The following PLXNB1 variants were observed in gnomAD, a reference collection of about 807,000 sequenced individuals.
The protein encoded by PLXNB1 is plexin B1, also known as plexin-B1.
PLXNB1 carries 106 observed loss-of-function variants against 209.4 expected under a neutral mutation model. The ratio of observed to expected loss-of-function variants is 0.51; its 90% CI spans 0.43 to 0.59. The LOEUF (loss-of-function observed/expected upper bound fraction) is 0.59. PLXNB1 is among the 20% of genes least tolerant of loss of function. The pLI, the probability that PLXNB1 is intolerant of heterozygous loss-of-function variation, is 0.00. For missense variants in PLXNB1, 2,357 were observed against 2,853.2 expected (o/e 0.83, Z 3.96); for synonymous variants, 1,167 against 1,183.2 (o/e 0.99, Z 0.28).
At chr3:48,428,368 C>T (rs2039002136) in intron 1 of PLXNB1, among the ~76,000 whole-genome samples, 1 of 152,208 alleles carries the variant, frequency 6.6e-6, no homozygotes, top group Non-Finnish European at 1.5e-5. Context: ...AAGCCTAACT[C>T]TGCCTGTGCC....
Position 48,405,657 on chromosome 3 carries a change from C to T in PLXNB1, c.6303+67G>A. On this transcript the variant is annotated intron_variant, in intron 37 of 37. Transcript: ENST00000296440. This position sits in a 1 kb window ranked among gnomAD's most constrained non-coding sequence, Gnocchi z 5.0. ...AAGCCCCCAACGTGAGTCACAGGGT[C>T]AGAGCCCCTTAAGTCTCCTGGGAGG... is the stretch of plus-strand genomic sequence containing the variant. 7.8e-7 allele frequency: 1 copy of T among 1,274,110 alleles called. No individual in the cohort carries two copies. Among genetic ancestry groups the T allele is most frequent in the Non-Finnish European group, 1.1e-6 (1 of 884,448 alleles). 78.9% of individuals were successfully genotyped at this position (1,274,110 alleles called of 1,614,324 possible).
chr3:48,412,016 G>A lies in PLXNB1; in HGVS notation c.5101-7C>T. On this transcript the variant is annotated splice_polypyrimidine_tract_variant and splice_region_variant and intron_variant, in intron 27 of 37. Coordinates refer to ENST00000296440, the MANE Select transcript of PLXNB1 (RefSeq NM_001130082.3). ...GAGGCTCCCCTACGGAGTCCTAGGA[G>A]AGCACAGGCAGTTAGGGCCCCCCAG... is the stretch of plus-strand genomic sequence containing the variant. 6.2e-7 allele frequency: 1 copy of A among 1,613,778 alleles called. No homozygotes were observed. The highest frequency in any genetic ancestry group is 1.3e-5 in the African/African-American group (1 of 75,044).
In PLXNB1 at chr3:48,405,081, G is replaced by T. The variant is rs186635826; in HGVS notation, c.6304-491C>A. 1.2e-3 allele frequency among the ~76,000 whole-genome samples: 190 copies of T among 152,270 alleles called. No individual in the cohort carries two copies. The highest frequency in any genetic ancestry group is 3.3e-3 in the Admixed American group (51 of 15,300). The stretch of plus-strand genomic sequence containing the variant: ...ACTGCCCACTATGTCTCCACAAGGG[G>T]ACATGCCTGCATCACACCCTGCCTC... On this transcript the variant is annotated intron_variant, in intron 37 of 37. Transcript: ENST00000296440. The surrounding 1 kb of genome is among the most constrained non-coding windows in gnomAD (Gnocchi z 5.0).
Position 48,419,239 on chromosome 3 carries a change from C to A in PLXNB1, c.2832+5G>T. 6.4e-7 allele frequency: 1 copy of A among 1,563,534 alleles called. No individual in the cohort carries two copies. Among genetic ancestry groups the A allele is most frequent in the African/African-American group, 1.4e-5 (1 of 73,792 alleles). ...CAAGGACAGCGGCAGGCAGGACACA[C>A]TGACCTGGAAAAGGTGCAGGTTCCT... On this transcript the variant is annotated splice_donor_5th_base_variant and intron_variant, in intron 12 of 37. Coordinates refer to ENST00000296440, the MANE Select transcript of PLXNB1 (RefSeq NM_001130082.3). The surrounding 1 kb of genome is among the most constrained non-coding windows in gnomAD (Gnocchi z 5.7).
In PLXNB1 at chr3:48,419,904, G is replaced by T. The variant is rs2362450; in HGVS notation, c.2382C>A (p.Pro794=). The change falls in exon 11 of 38, where the codon CCC becomes CCA. Residue 794 remains proline (P), a synonymous_variant. Coordinates refer to ENST00000296440, the MANE Select transcript of PLXNB1 (RefSeq NM_001130082.3). This position sits in a 1 kb window ranked among gnomAD's most constrained non-coding sequence, Gnocchi z 5.7. Reference sequence around the variant, plus strand: ...CAGGGGGCACTGCTGCTACCTCTGAGGGTGACAGCGGGGAGGCCAAGAGGT... The same window carrying T: ...CAGGGGGCACTGCTGCTACCTCTGATGGTGACAGCGGGGAGGCCAAGAGGT... The part of the protein sequence containing the change: ...PEDLLASPLS[P]SEVAAVPPAD... 7.0e-6 allele frequency: 11 copies of T among 1,562,168 alleles called. No homozygotes were observed. Among genetic ancestry groups the T allele is most frequent in the Admixed American group, 5.4e-5 (3 of 56,066 alleles).
In PLXNB1 at chr3:48,409,448, T is replaced by G; in HGVS notation, c.5968A>C (p.Ile1990Leu). The change falls in exon 34 of 38, where the codon ATA becomes CTA. Residue 1990 changes from isoleucine to leucine, a missense_variant. By Grantham distance (5) the Ile-to-Leu change is conservative. Around this residue, in one of 7 missense-constraint regions of PLXNB1, gnomAD observed 414 missense variants for 520.5 expected, o/e 0.80. Transcript: ENST00000296440. The surrounding 1 kb of genome is among the most constrained non-coding windows in gnomAD (Gnocchi z 5.8). The stretch of plus-strand genomic sequence containing the variant: ...TCGAACACAAACTGCGGGTTTTTTA[T>G]TATATTGATCCAGAACCTCAGAGGC... ...SLPLRFWINI[I>L]KNPQFVFDVQ... is the part of the protein sequence containing the mutation. 1.2e-6 allele frequency: 2 copies of G among 1,614,170 alleles called. No homozygotes were observed. Among genetic ancestry groups the G allele is most frequent in the Non-Finnish European group, 1.7e-6 (2 of 1,180,028 alleles).
chr3:48,411,848 C>T lies in PLXNB1; in HGVS notation c.5247+15G>A, dbSNP rs768570010. 1.9e-6 allele frequency: 3 copies of T among 1,612,982 alleles called. No individual in the cohort carries two copies. Among genetic ancestry groups the T allele is most frequent in the African/African-American group, 2.7e-5 (2 of 74,932 alleles). On this transcript the variant is annotated intron_variant, in intron 28 of 37. Transcript: ENST00000296440. This position sits in a 1 kb window ranked among gnomAD's most constrained non-coding sequence, Gnocchi z 4.0. ...CCGCACTCAGACTGCAGGCCACACA[C>T]TTGCACACCCTCACCAGGGGACGGT...
At position 48,413,281 on chromosome 3, in the gene PLXNB1, A is replaced by G; in HGVS notation, c.4536-112T>C. 1.2e-6 allele frequency: 1 copy of G among 844,386 alleles called. No homozygotes were observed. Among genetic ancestry groups the G allele is most frequent in the South Asian group, 1.5e-5 (1 of 68,312 alleles). The allele number at this position is 844,386 out of a possible 1,614,324, so 52.3% of individuals were successfully genotyped here. On this transcript the variant is annotated intron_variant, in intron 23 of 37. Coordinates refer to ENST00000296440, the MANE Select transcript of PLXNB1 (RefSeq NM_001130082.3). This position sits in a 1 kb window ranked among gnomAD's most constrained non-coding sequence, Gnocchi z 5.4. ...TCATCCAGCACAGTCCAATGCAGCC[A>G]TGCCAGCCAAGCTCAAGCCTAGCCC...
rs1258578695 is a variant in PLXNB1, at chr3:48,419,414, C to A, written c.2710-48G>T. The stretch of plus-strand genomic sequence containing the variant: ...AGTCTATGGAGCCCACCCTGCCCAG[C>A]TCAGCCCTCTGCCTTGCCAGATTCC... On this transcript the variant is annotated intron_variant, in intron 11 of 37. Coordinates refer to ENST00000296440, the MANE Select transcript of PLXNB1 (RefSeq NM_001130082.3). This position sits in a 1 kb window ranked among gnomAD's most constrained non-coding sequence, Gnocchi z 5.7. 3 of 1,523,764 alleles carry A rather than the reference C, an allele frequency of 2.0e-6. No individual in the cohort carries two copies. Among genetic ancestry groups the A allele is most frequent in the Non-Finnish European group, 2.6e-6 (3 of 1,133,256 alleles). The allele number at this position is 1,523,764 out of a possible 1,614,324, so 94.4% of individuals were successfully genotyped here. A position where few individuals can be genotyped will look rare whatever the true frequency, so the allele number is the denominator to read the frequency against.
chr3:48,404,636 G>T, intron 37 of PLXNB1, 46 bp from the exon 38 acceptor site: 1 of 1,349,536 alleles, frequency 7.4e-7, no homozygotes, highest in Non-Finnish European at 1.0e-6. Context: ...TTTGGCCAAC[G>T]TGTTTGCTGC....
chr3:48,427,656 G>A (rs894640117), intron 1 of PLXNB1, among the ~76,000 whole-genome samples: 4 of 151,880 alleles, frequency 2.6e-5, no homozygotes, highest in Non-Finnish European at 5.9e-5. Flanking sequence ...CATGCCCTTC[G>A]TTCCTGCCAG....
rs773687854 is a variant in PLXNB1 at position 48,422,917 on chromosome 3, C to G, written c.1138G>C (p.Asp380His). The change falls in exon 4 of 38, where the codon GAC becomes CAC. Residue 380 changes from aspartate to histidine, a missense_variant. Coordinates refer to ENST00000296440, the MANE Select transcript of PLXNB1 (RefSeq NM_001130082.3). ...CTGGCCATGGGGCTGGGCGTGTGGT[C>G]TGAGCCACAGGGATAAGCATCCAGG... The part of the protein sequence containing the change: ...DTLDAYPCGS[D>H]HTPSPMASRV... 6.2e-7 allele frequency: 1 copy of G among 1,614,012 alleles called. No individual in the cohort carries two copies. The highest frequency in any genetic ancestry group is 8.5e-7 in the Non-Finnish European group (1 of 1,179,956).
chr3:48,410,656 T>A lies in PLXNB1; in HGVS notation c.5417-98A>T. On this transcript the variant is annotated intron_variant, in intron 29 of 37. Transcript: ENST00000296440. This position sits in a 1 kb window ranked among gnomAD's most constrained non-coding sequence, Gnocchi z 6.4. ...CACAGGGACACCAGCCCCTCCATCA[T>A]GGGGCAGCCTTACTCAACCTCTCCA... 1 of 1,085,224 alleles carries A rather than the reference T, an allele frequency of 9.2e-7. No individual in the cohort carries two copies. Among genetic ancestry groups the A allele is most frequent in the Non-Finnish European group, 1.4e-6 (1 of 724,812 alleles). 67.2% of individuals were successfully genotyped at this position (1,085,224 alleles called of 1,614,324 possible).
At position 48,421,711 on chromosome 3, in the gene PLXNB1, A is replaced by G. The variant is rs752259306; in HGVS notation, c.1616T>C (p.Met539Thr). The G allele has an allele frequency of 2.5e-6, 4 of 1,609,730 alleles. No individual in the cohort carries two copies. Among genetic ancestry groups the G allele is most frequent in the Non-Finnish European group, 3.4e-6 (4 of 1,176,516 alleles). Residue 539 changes from methionine to threonine, a missense_variant, in exon 7 of 38, where the codon ATG becomes ACG. Met to Thr is a moderately conservative substitution (Grantham distance 81). Transcript: ENST00000296440. ...PELGCLQVAA[M>T]SPANISREET... is the part of the protein sequence containing the mutation. ...CTCTCGGCTGATGTTGGCAGGACTC[A>G]TGGCTGCCACTTGCAGACAGCCCAG... is the stretch of plus-strand genomic sequence containing the variant.
rs942495564 is a variant in PLXNB1 at position 48,411,352 on chromosome 3, G to A, written c.5248-316C>T. Among the ~76,000 whole-genome samples, 3 of 152,216 alleles carry A rather than the reference G, an allele frequency of 2.0e-5. No homozygotes were observed. Among genetic ancestry groups the A allele is most frequent in the African/African-American group, 4.8e-5 (2 of 41,448 alleles). On this transcript the variant is annotated intron_variant, in intron 28 of 37. Coordinates refer to ENST00000296440, the MANE Select transcript of PLXNB1 (RefSeq NM_001130082.3). The surrounding 1 kb of genome is among the most constrained non-coding windows in gnomAD (Gnocchi z 4.0). ...AATGGGTCAGGCTGACGGAGTTTCGGGAAGCCTGCATTCCCACCATCGGGA... is the reference window on the plus strand; with the variant it reads ...AATGGGTCAGGCTGACGGAGTTTCGAGAAGCCTGCATTCCCACCATCGGGA...
intron 1 of PLXNB1, among the ~76,000 whole-genome samples, chr3:48,425,664 CCACCCTGTAAAGG>C (rs1289047304): frequency 6.6e-6 from 1 of 152,168 alleles, no homozygotes; most frequent in African/African-American, 2.4e-5. Flanking sequence ...TGCTCAAACT[CCACCCTGTAAAGG>C]CACCCAGGTA....
Position 48,410,470 on chromosome 3 carries a change from T to C in PLXNB1, c.5505A>G (p.Thr1835=). The C allele has an allele frequency of 6.2e-7, 1 of 1,613,808 alleles. No homozygotes were observed. Among genetic ancestry groups the C allele is most frequent in the Non-Finnish European group, 8.5e-7 (1 of 1,179,850 alleles). ...CTCCTCCTACCTTGTAATGCTGCAG[T>C]GTGTTCAGGCGCCTCCACAGACCCT... ...EVQGLWRRLN[T]LQHYKVPDGA... Residue 1835 remains threonine (T), a synonymous_variant, in exon 30 of 38, where the codon ACA becomes ACG. Coordinates refer to ENST00000296440, the MANE Select transcript of PLXNB1 (RefSeq NM_001130082.3). This position sits in a 1 kb window ranked among gnomAD's most constrained non-coding sequence, Gnocchi z 6.4.
Position 48,417,815 on chromosome 3 carries a change from G to C in PLXNB1, c.3374+96C>G, listed in dbSNP as rs1383531239. The stretch of plus-strand genomic sequence containing the variant: ...CAGGATCAAGGAACAGGGAGAGAGG[G>C]GGGCAGATGAGCGGTGGGTGGGAGG... On this transcript the variant is annotated intron_variant, in intron 16 of 37. Coordinates refer to ENST00000296440, the MANE Select transcript of PLXNB1 (RefSeq NM_001130082.3). This position sits in a 1 kb window ranked among gnomAD's most constrained non-coding sequence, Gnocchi z 4.4. 48 of 1,302,210 alleles carry C rather than the reference G, an allele frequency of 3.7e-5. No homozygotes were observed. The highest frequency in any genetic ancestry group is 5.1e-5 in the Non-Finnish European group (48 of 933,060). 80.7% of individuals were successfully genotyped at this position (1,302,210 alleles called of 1,614,324 possible).
intron 8 of PLXNB1, 102 bp from the exon 9 acceptor site, chr3:48,421,058 A>G: frequency 7.9e-7 from 1 of 1,259,716 alleles, no homozygotes; most frequent in Non-Finnish European, 1.1e-6. Flanking sequence ...ACCCGGGATG[A>G]GGGAATACAG....
Sources: gnomAD v4.1 joint callset for allele counts (sites outside exome capture counted in the v4.1 genomes callset) on GRCh38, gnomAD v4.1.1 for gene constraint, gnomAD v4.1.1 regional missense constraint, Gnocchi (gnomAD v3.1) non-coding constraint, MANE v1.5 for transcripts, NCBI Gene and HGNC (gene_info 2026-07-23, HGNC 2026-07-21) for gene names.